Variants in HEPH observed in about 807,000 individuals in gnomAD.
HEPH encodes the protein hephaestin.
Under a neutral mutation model 80.8 loss-of-function variants are expected in HEPH, and 69 were observed. The ratio of observed to expected loss-of-function variants is 0.85; its 90% confidence interval spans 0.70 to 1.04. The LOEUF (loss-of-function observed/expected upper bound fraction) is 1.04, where lower values mean the gene tolerates loss of function less well. Among genes scored for constraint, HEPH ranks in the 50% least tolerant of loss-of-function variants. The pLI is 0.00. For synonymous variants in HEPH, 431 were observed against 322.8 expected (o/e 1.34, Z -3.60); for missense variants, 1,115 against 891.3 (o/e 1.25, Z -3.20).
At chrX:66,207,499 G>A (rs1165471552) in intron 14 of HEPH, among the ~76,000 whole-genome samples, 165 bp downstream of exon 14, 3 of 111,442 alleles carry the variant, frequency 2.7e-5, no homozygotes, top group African/African-American at 6.6e-5. Flanking sequence ...AAACAGTGAA[G>A]GGGGAGGAAG....
intron 2 of HEPH, among the ~76,000 whole-genome samples, chrX:66,172,118 T>G (rs147459746): frequency 9.8e-4 from 110 of 112,679 alleles, no homozygotes; most frequent in African/African-American, 3.4e-3. Context: ...TCAAGCTATG[T>G]GAAATTGCCT....
intron 15 of HEPH, among the ~76,000 whole-genome samples, chrX:66,227,387 G>A: frequency 9.0e-6 from 1 of 111,049 alleles, no homozygotes; most frequent in South Asian, 3.9e-4. Flanking sequence ...ACAAGACAAG[G>A]ATGCCCACTT....
intron 15 of HEPH, among the ~76,000 whole-genome samples, chrX:66,213,220 T>A (rs947702586): frequency 9.4e-6 from 1 of 106,903 alleles, no homozygotes; most frequent in African/African-American, 3.4e-5. Context: ...GAGTGTGATG[T>A]TCCCCTTCCT....
At chrX:66,233,158 A>T (rs1232562263) in intron 15 of HEPH, among the ~76,000 whole-genome samples, 2 of 112,078 alleles carry the variant, frequency 1.8e-5, no homozygotes, top group Non-Finnish European at 3.8e-5. Context: ...ATTACAAAAC[A>T]CCATACAAAC....
At chrX:66,257,620 C>T (rs2091224786) in intron 17 of HEPH, among the ~76,000 whole-genome samples, 1 of 112,197 alleles carries the variant, frequency 8.9e-6, no homozygotes, top group South Asian at 3.8e-4. Flanking sequence ...GCAATACTCA[C>T]CTCTTTGGCA....
chrX:66,232,727 A>C (rs2090200583), intron 15 of HEPH, among the ~76,000 whole-genome samples: 2 of 111,296 alleles, frequency 1.8e-5, no homozygotes, highest in Non-Finnish European at 1.9e-5. Flanking sequence ...ATTTAATTTT[A>C]AAATATATAA....
At chrX:66,196,531 C>A (rs1320307464) in intron 9 of HEPH, among the ~76,000 whole-genome samples, 1 of 111,610 alleles carries the variant, frequency 9.0e-6, no homozygotes, top group South Asian at 3.7e-4. Context: ...TTTTATAAAC[C>A]TTTCTTCAGA....
chrX:66,239,214 G>T lies in HEPH; in HGVS notation c.2564-15821G>T, dbSNP rs556330551. Among the ~76,000 whole-genome samples, 16 of 112,006 alleles carry T rather than the reference G, an allele frequency of 1.4e-4. No homozygotes were observed. In the South Asian group the frequency reaches 6.0e-3, roughly 42 times the overall value. Reference sequence around the variant, plus strand: ...CTTTCTGTTGGAATTTCAGAGGCCCGTGGTGACAGGAGGTTGCTCCTTGTC... The same window carrying T: ...CTTTCTGTTGGAATTTCAGAGGCCCTTGGTGACAGGAGGTTGCTCCTTGTC... On this transcript the variant is annotated intron_variant, in intron 15 of 20. Transcript: ENST00000343002.
intron 15 of HEPH, among the ~76,000 whole-genome samples, chrX:66,245,342 A>G (rs1344780345): frequency 1.8e-5 from 2 of 111,683 alleles, no homozygotes; most frequent in Admixed American, 1.9e-4. Context: ...AGTCTCTGAT[A>G]AAACAGACTT....
At chrX:66,252,573 G>A (rs1378463345) in intron 15 of HEPH, among the ~76,000 whole-genome samples, 1 of 111,671 alleles carries the variant, frequency 9.0e-6, no homozygotes, top group East Asian at 2.8e-4. Context: ...ATATTAGGGA[G>A]CCATTACAGG....
Position 66,187,312 on chromosome X carries a change from T to G in HEPH, c.626-1047T>G, listed in dbSNP as rs190378287. 2.7e-3 allele frequency among the ~76,000 whole-genome samples: 304 copies of G among 111,329 alleles called. 2 individuals are homozygous for G. Among genetic ancestry groups the G allele is most frequent in the African/African-American group, 9.0e-3 (276 of 30,571 alleles). ...TGCTGGTGAGCTAGTGTGATTTTTT[T>G]GGGGTGTTAAAGAACCTTGTTTTGT... On this transcript the variant is annotated intron_variant, in intron 4 of 20. Transcript: ENST00000343002.
rs2086275883 is a variant in HEPH, at chrX:66,164,439, A to T, written c.-45A>T. 1 of 751,983 alleles carries T rather than the reference A, an allele frequency of 1.3e-6. No individual in the cohort carries two copies. Among genetic ancestry groups the T allele is most frequent in the African/African-American group, 2.3e-5 (1 of 43,225 alleles). 62.0% of individuals were successfully genotyped at this position (751,983 alleles called of 1,213,427 possible). ...GCAGTGCAGCATTAATGGGCCGCTG[A>T]CATGAATATGGAGTAGTTTTCTCTA... On this transcript the variant is annotated 5_prime_UTR_variant, in exon 1 of 21. It removes the in-frame stop codon of an upstream open reading frame in the 5' UTR. Transcript: ENST00000343002.
At chrX:66,226,576 C>A (rs1186923439) in intron 15 of HEPH, among the ~76,000 whole-genome samples, 1 of 111,391 alleles carries the variant, frequency 9.0e-6, no homozygotes, top group East Asian at 2.8e-4. Context: ...TAAGAGAATC[C>A]AAATAAGCTC....
rs745394320 is a variant in HEPH at position 66,192,310 on chromosome X, T to A, written c.1232+12T>A. On this transcript the variant is annotated intron_variant, in intron 7 of 20. Transcript: ENST00000343002. ...AGAGAGCCAGGCAGGTAAGAGGCAG[T>A]GGGATCCCTCTCTTTAATTCTTTAA... 1 of 1,187,037 alleles carries A rather than the reference T, an allele frequency of 8.4e-7. No individual in the cohort carries two copies. The highest frequency in any genetic ancestry group is 1.1e-6 in the Non-Finnish European group (1 of 876,593).
intron 15 of HEPH, among the ~76,000 whole-genome samples, chrX:66,210,459 G>A (rs1468546936): frequency 9.0e-6 from 1 of 111,657 alleles, no homozygotes; most frequent in Non-Finnish European, 1.9e-5. Flanking sequence ...TGGAGGCAAA[G>A]GACACTACAG....
At position 66,176,693 on chromosome X, in the gene HEPH, C is replaced by T. The variant is rs193044526; in HGVS notation, c.625+2892C>T. Among the ~76,000 whole-genome samples, 597 of 110,874 alleles carry T rather than the reference C, an allele frequency of 5.4e-3. 4 individuals carry two copies. The highest frequency in any genetic ancestry group is 0.019 in the African/African-American group (574 of 30,437). ...GTCCCTGGTGTGTGATGTTCCCATTCCTGTGTCCATGTGTTCTCATTGTTC... is the reference window on the plus strand; with the variant it reads ...GTCCCTGGTGTGTGATGTTCCCATTTCTGTGTCCATGTGTTCTCATTGTTC... On this transcript the variant is annotated intron_variant, in intron 4 of 20. Transcript: ENST00000343002.
At chrX:66,206,964 C>T (rs1353610818) in intron 13 of HEPH, among the ~76,000 whole-genome samples, 1 of 109,327 alleles carries the variant, frequency 9.1e-6, no homozygotes, top group African/African-American at 3.3e-5. Flanking sequence ...TTGTGGTGAG[C>T]CGAGATCATG....
At chrX:66,252,342 G>A (rs986501377) in intron 15 of HEPH, among the ~76,000 whole-genome samples, 3 of 111,637 alleles carry the variant, frequency 2.7e-5, no homozygotes, top group Admixed American at 9.5e-5. Context: ...TCTTGAACTC[G>A]ATGGAGAGGT....
Position 66,208,130 on chromosome X carries a change from G to A in HEPH, c.2447G>A (p.Gly816Asp). 8.4e-7 allele frequency: 1 copy of A among 1,193,269 alleles called. No homozygotes were observed. The highest frequency in any genetic ancestry group is 1.1e-6 in the Non-Finnish European group (1 of 882,239). Residue 816 changes from glycine (G) to aspartate (D), a missense_variant, in exon 15 of 21, where the codon GGT (glycine) becomes GAT (aspartate). Physicochemically the swap from Gly to Asp is moderately conservative, Grantham distance 94. This residue lies in a region of HEPH where 716 missense variants were observed against 523.5 expected (regional missense o/e 1.37). Transcript: ENST00000343002. ...TTTACATTAGGTCCACTTATCAAAGGTGAAGTTGGTGATATCCTGACTGTG... is the reference window on the plus strand; with the variant it reads ...TTTACATTAGGTCCACTTATCAAAGATGAAGTTGGTGATATCCTGACTGTG... ...HLGILGPLIKGEVGDILTVVF... is the reference protein window; with the variant it reads ...HLGILGPLIKDEVGDILTVVF...
Sources: allele counts gnomAD v4.1 joint callset (sites outside exome capture counted in the v4.1 genomes callset), GRCh38; gene constraint gnomAD v4.1.1; regional missense constraint gnomAD v4.1.1; transcripts MANE v1.5; gene names NCBI Gene and HGNC (gene_info 2026-07-23, HGNC 2026-07-21).